The following SMPD3 variants were observed in gnomAD, a reference collection of about 807,000 sequenced individuals.
The protein encoded by SMPD3 is sphingomyelin phosphodiesterase 3, also known as nSMase-2.
In SMPD3, 21 loss-of-function variants were observed where a neutral mutation model predicts 55.7. The ratio of observed to expected loss-of-function variants is 0.38; its 90% confidence interval spans 0.27 to 0.54. SMPD3 has a LOEUF of 0.54. Among genes scored for constraint, SMPD3 ranks in the 20% least tolerant of loss-of-function variants. The pLI is 0.80. For synonymous variants in SMPD3, 457 were observed against 404.3 expected (o/e 1.13, Z -1.56); for missense variants, 842 against 899.6 (o/e 0.94, Z 0.82).
At chr16:68,388,726 T>C (rs1368417810) in intron 1 of SMPD3, among the ~76,000 whole-genome samples, 11 of 151,880 alleles carry the variant, frequency 7.2e-5, no homozygotes, top group Non-Finnish European at 1.5e-5. Flanking sequence ...AAGAACTGAC[T>C]ATTTAGGGAG....
At chr16:68,372,442 A>T (rs1237766617) in intron 2 of SMPD3, 55 bp from the exon 3 acceptor site, 1 of 537,304 alleles carries the variant, frequency 1.9e-6, no homozygotes, top group African/African-American at 1.9e-5. Context: ...GGAGTGGGTC[A>T]GATATGGGGC....
chr16:68,367,435 CG>C (rs60766161), intron 3 of SMPD3: 7,728 of 151,730 alleles, frequency 0.051, 226 homozygotes, highest in Middle Eastern at 0.12. Context: ...ATCTGTTTGT[CG>C]TGCGCTGCTG....
chr16:68,399,057 G>C (rs1003440796), intron 1 of SMPD3, among the ~76,000 whole-genome samples: 1 of 152,234 alleles, frequency 6.6e-6, no homozygotes. Flanking sequence ...TGAGCCTGTA[G>C]TTGTTGGCTC....
At chr16:68,437,025 G>T (rs1271911174) in intron 1 of SMPD3, among the ~76,000 whole-genome samples, 1 of 152,232 alleles carries the variant, frequency 6.6e-6, no homozygotes, top group Non-Finnish European at 1.5e-5. Context: ...AGAGGCGTGA[G>T]GAAGCACCCA....
chr16:68,391,566 T>C (rs1392839289), intron 1 of SMPD3, among the ~76,000 whole-genome samples: 1 of 152,190 alleles, frequency 6.6e-6, no homozygotes, highest in Admixed American at 6.5e-5. Flanking sequence ...GACAACTCTT[T>C]GTAGGTATTC....
At chr16:68,410,852 G>T (rs905281529) in intron 1 of SMPD3, among the ~76,000 whole-genome samples, 1 of 152,230 alleles carries the variant, frequency 6.6e-6, no homozygotes, top group African/African-American at 2.4e-5. Context: ...CTGCAGCATC[G>T]AGGCACCTTG....
At chr16:68,440,568 T>A (rs2090558010) in intron 1 of SMPD3, among the ~76,000 whole-genome samples, 1 of 152,260 alleles carries the variant, frequency 6.6e-6, no homozygotes, top group African/African-American at 2.4e-5. Flanking sequence ...TCCCATTTAG[T>A]CACAGCTGTC....
chr16:68,391,495 G>C (rs2090110437), intron 1 of SMPD3, among the ~76,000 whole-genome samples: 1 of 152,208 alleles, frequency 6.6e-6, no homozygotes, highest in Non-Finnish European at 1.5e-5. Context: ...TAGTCTCTCT[G>C]AGCATTGGGT....
chr16:68,411,365 C>T (rs1831069230), intron 1 of SMPD3, among the ~76,000 whole-genome samples: 1 of 152,174 alleles, frequency 6.6e-6, no homozygotes, highest in Admixed American at 6.5e-5. Flanking sequence ...TGTCTGAGGA[C>T]AACCACCATC....
At chr16:68,374,096 C>T (rs1420902325) in intron 2 of SMPD3, among the ~76,000 whole-genome samples, 1 of 152,248 alleles carries the variant, frequency 6.6e-6, no homozygotes, top group African/African-American at 2.4e-5. Flanking sequence ...CCGCAAGCTT[C>T]AGGAAAGAAT....
At chr16:68,431,835 T>G (rs1486400343) in intron 1 of SMPD3, among the ~76,000 whole-genome samples, 1 of 152,094 alleles carries the variant, frequency 6.6e-6, no homozygotes. Context: ...GGCAGGAGAA[T>G]GACTTGAACC....
In SMPD3 at chr16:68,379,673, G is replaced by A. The variant is rs148785786; in HGVS notation, c.-207+6925C>T. 9.8e-3 allele frequency among the ~76,000 whole-genome samples: 1,498 copies of A among 152,314 alleles called. 9 individuals carry two copies. The highest frequency in any genetic ancestry group is 0.026 in the South Asian group (125 of 4,832). ...GCCATCTGTTGTGGGCTGCTTGTGC[G>A]AGCCCAAGGCACAGGCTTCTGCAGA... On this transcript the variant is annotated intron_variant, in intron 2 of 8. Transcript: ENST00000219334.
At chr16:68,392,595 C>T (rs1037136896) in intron 1 of SMPD3, among the ~76,000 whole-genome samples, 4 of 152,142 alleles carry the variant, frequency 2.6e-5, no homozygotes, top group African/African-American at 9.7e-5. Flanking sequence ...GGTGCAGTGG[C>T]TCACGCCTGT....
chr16:68,418,355 C>G (rs1429990905), intron 1 of SMPD3, among the ~76,000 whole-genome samples: 2 of 150,812 alleles, frequency 1.3e-5, no homozygotes, highest in African/African-American at 4.9e-5. Context: ...GTAAATGAAG[C>G]CTTCATAAAA....
intron 1 of SMPD3, among the ~76,000 whole-genome samples, chr16:68,440,193 T>C (rs1219732198): frequency 6.6e-6 from 1 of 152,212 alleles, no homozygotes; most frequent in African/African-American, 2.4e-5. Context: ...GCAAATTCTC[T>C]TTCTTTTTTT....
At chr16:68,367,958 C>T (rs1047772591) in intron 3 of SMPD3, 3 of 152,228 alleles carry the variant, frequency 2.0e-5, no homozygotes, top group Admixed American at 6.5e-5. Flanking sequence ...AAGTCCCATA[C>T]GGGAAACCAT....
chr16:68,380,713 T>C (rs2089932199), intron 2 of SMPD3, among the ~76,000 whole-genome samples: 1 of 152,236 alleles, frequency 6.6e-6, no homozygotes, highest in Non-Finnish European at 1.5e-5. Flanking sequence ...ACATGAAGGC[T>C]GATGTTAATG....
At chr16:68,400,181 G>A (rs554184907) in intron 1 of SMPD3, among the ~76,000 whole-genome samples, 1 of 152,318 alleles carries the variant, frequency 6.6e-6, no homozygotes, top group Admixed American at 6.5e-5. Context: ...CTGCCAAGTG[G>A]CCTCTAGAAG....
Position 68,359,032 on chromosome 16 carries a change from C to G in SMPD3, c.*2174G>C, listed in dbSNP as rs1469844478. 2 of 152,660 alleles carry G rather than the reference C, an allele frequency of 1.3e-5. No homozygotes were observed. The highest frequency in any genetic ancestry group is 2.9e-5 in the Non-Finnish European group (2 of 68,078). 9.5% of individuals were successfully genotyped at this position (152,660 alleles called of 1,614,324 possible). A position where few individuals can be genotyped will look rare whatever the true frequency, so the allele number is the denominator to read the frequency against. ...CCTTGTGATGACAGAAAATGACTTG[C>G]CTAAGGCCGCCTGTGAGGTGGGAGG... On this transcript the variant is annotated 3_prime_UTR_variant, in exon 9 of 9. Transcript: ENST00000219334.
Sources: allele counts gnomAD v4.1 joint callset (sites outside exome capture counted in the v4.1 genomes callset), GRCh38; gene constraint gnomAD v4.1.1; transcripts MANE v1.5; gene names NCBI Gene and HGNC (gene_info 2026-07-23, HGNC 2026-07-21).